Variants in SLC25A31 observed in about 807,000 individuals in gnomAD.
SLC25A31 encodes solute carrier family 25 member 31.
Under a neutral mutation model 36.2 loss-of-function variants are expected in SLC25A31, and 40 were observed. That is an observed-to-expected ratio of 1.10 (90% CI 0.86 to 1.44). The LOEUF is 1.44. Among genes scored for constraint, SLC25A31 ranks in the 40% most tolerant of loss-of-function variants. The pLI is 0.00. For synonymous variants in SLC25A31, 143 were observed against 149.7 expected, an observed-to-expected ratio of 0.96 and a Z score of 0.32; for missense variants, 350 against 397.1, an observed-to-expected ratio of 0.88 and a Z score of 1.01.
chr4:127,740,702 TG>T (rs1731715651), intron 1 of SLC25A31, among the ~76,000 whole-genome samples: 1 of 152,036 alleles, frequency 6.6e-6, no homozygotes, highest in Non-Finnish European at 1.5e-5. Context: ...CCTGCCTGAG[TG>T]TGAAGCTGAG....
Position 127,770,972 on chromosome 4 carries a change from T to C in SLC25A31, c.759+2095T>C, listed in dbSNP as rs1271835424. On this transcript the variant is annotated intron_variant, in intron 5 of 5. Transcript: ENST00000281154. ...TTCTTTTTTTTTTTTTTTTTTTTTT[T>C]TGGAGATGGAGTCTCACTGTGTCGC... Among the ~76,000 whole-genome samples the C allele has an allele frequency of 3.4e-5, 5 of 147,286 alleles. No individual in the cohort carries two copies. In the East Asian group the frequency reaches 9.8e-4, roughly 29 times the overall value.
At position 127,773,656 on chromosome 4, in the gene SLC25A31, T is replaced by TA; in HGVS notation, c.*83dup. ...TAGCTGCCATTTGCATACATTTTGA[T>TA]AGTGTTATTGTCTGTATTTTGTTAA... On this transcript the variant is annotated 3_prime_UTR_variant, in exon 6 of 6. Coordinates refer to ENST00000281154, the MANE Select transcript of SLC25A31 (RefSeq NM_031291.4). 1.7e-6 allele frequency: 2 copies of TA among 1,157,752 alleles called. No homozygotes were observed. The highest frequency in any genetic ancestry group is 2.4e-6 in the Non-Finnish European group (2 of 840,252). The allele number at this position is 1,157,752 out of a possible 1,614,324, so 71.7% of individuals were successfully genotyped here.
At chr4:127,771,467 T>C (rs1732360230) in intron 5 of SLC25A31, among the ~76,000 whole-genome samples, 3 of 152,248 alleles carry the variant, frequency 2.0e-5, no homozygotes, top group African/African-American at 7.2e-5. Context: ...CCCACAACTT[T>C]GTTAACCCTA....
At chr4:127,755,110 G>T (rs1232860349) in intron 2 of SLC25A31, among the ~76,000 whole-genome samples, 1 of 152,066 alleles carries the variant, frequency 6.6e-6, no homozygotes, top group East Asian at 1.9e-4. Context: ...AATGAAATTG[G>T]ACTCTTATCT....
intron 2 of SLC25A31, among the ~76,000 whole-genome samples, chr4:127,755,448 A>G (rs1732011632): frequency 6.6e-6 from 1 of 152,206 alleles, no homozygotes; most frequent in Admixed American, 6.5e-5. Context: ...TCATAATATA[A>G]AAACAAATGA....
At chr4:127,745,650 GT>G (rs1030938580) in intron 2 of SLC25A31, among the ~76,000 whole-genome samples, 2 of 151,994 alleles carry the variant, frequency 1.3e-5, no homozygotes, top group Non-Finnish European at 1.5e-5. Context: ...TTTTTTCACA[GT>G]TTTATTAACA....
chr4:127,763,770 A>G (rs1447791625), intron 2 of SLC25A31, among the ~76,000 whole-genome samples: 1 of 152,168 alleles, frequency 6.6e-6, no homozygotes, highest in Non-Finnish European at 1.5e-5. Flanking sequence ...GAAGTATTTT[A>G]GGTTGGTGCA....
At chr4:127,735,990 C>T (rs376296758) in intron 1 of SLC25A31, among the ~76,000 whole-genome samples, 4 of 149,332 alleles carry the variant, frequency 2.7e-5, no homozygotes, top group Admixed American at 2.0e-4. Context: ...CCCGGGTTCA[C>T]GCCATTCTCC....
intron 4 of SLC25A31, among the ~76,000 whole-genome samples, chr4:127,768,063 C>CA (rs545067349): frequency 5.4e-4 from 81 of 149,126 alleles, no homozygotes; most frequent in Non-Finnish European, 8.6e-4. Context: ...TAAAGGCAAG[C>CA]AAAAAAAAAT....
intron 2 of SLC25A31, among the ~76,000 whole-genome samples, chr4:127,755,989 C>T (rs968935071): frequency 5.3e-5 from 8 of 151,498 alleles, no homozygotes; most frequent in African/African-American, 1.2e-4. Flanking sequence ...GCCGAGATCG[C>T]GCCATTGCGC....
intron 1 of SLC25A31, among the ~76,000 whole-genome samples, chr4:127,735,778 T>A: frequency 7.2e-6 from 1 of 138,052 alleles, no homozygotes. Context: ...TTGATAGGCA[T>A]ATCATCAAAA....
intron 2 of SLC25A31, among the ~76,000 whole-genome samples, chr4:127,749,594 A>G (rs1306701459): frequency 1.3e-5 from 2 of 151,900 alleles, no homozygotes; most frequent in African/African-American, 4.8e-5. Flanking sequence ...AAATACAAAA[A>G]TTAGCTGGGT....
intron 3 of SLC25A31, among the ~76,000 whole-genome samples, 182 bp from the exon 4 acceptor site, chr4:127,766,884 T>C (rs1732254425): frequency 6.6e-6 from 1 of 152,236 alleles, no homozygotes; most frequent in Admixed American, 6.5e-5. Flanking sequence ...ATTTATTTCT[T>C]TTGAGATAGT....
At chr4:127,752,604 A>T (rs1731956637) in intron 2 of SLC25A31, among the ~76,000 whole-genome samples, 1 of 152,190 alleles carries the variant, frequency 6.6e-6, no homozygotes, top group Non-Finnish European at 1.5e-5. Context: ...ATGGAAATTT[A>T]AAAAGAGCAG....
chr4:127,734,846 A>T (rs1363139586), intron 1 of SLC25A31, among the ~76,000 whole-genome samples: 1 of 152,250 alleles, frequency 6.6e-6, no homozygotes, highest in Admixed American at 6.5e-5. Context: ...ATAAATTGGC[A>T]TTGTCCCCTA....
intron 1 of SLC25A31, among the ~76,000 whole-genome samples, chr4:127,742,325 C>T (rs978151065): frequency 3.3e-5 from 5 of 152,136 alleles, no homozygotes; most frequent in African/African-American, 4.8e-5. Context: ...CAGATAGTAT[C>T]GAGGAACTGA....
intron 2 of SLC25A31, among the ~76,000 whole-genome samples, chr4:127,761,561 G>A (rs1732130081): frequency 1.3e-5 from 2 of 152,102 alleles, no homozygotes; most frequent in African/African-American, 4.8e-5. Context: ...CTTTTAGTGT[G>A]TGTGTTTGCT....
chr4:127,762,886 T>C (rs1440068038), intron 2 of SLC25A31, among the ~76,000 whole-genome samples: 1 of 150,102 alleles, frequency 6.7e-6, no homozygotes, highest in East Asian at 2.0e-4. Context: ...ATCTCGCCAC[T>C]GCACTCCAGC....
rs142918275 is a variant in SLC25A31 at position 127,769,534 on chromosome 4, T to G, written c.759+657T>G. ...CAAAATCTGAAAAAATTGAAAACACTTCTAATTCCAAGCATTTCAGATAAG... is the reference window on the plus strand; with the variant it reads ...CAAAATCTGAAAAAATTGAAAACACGTCTAATTCCAAGCATTTCAGATAAG... On this transcript the variant is annotated intron_variant, in intron 5 of 5. Coordinates refer to ENST00000281154, the MANE Select transcript of SLC25A31 (RefSeq NM_031291.4). Among the ~76,000 whole-genome samples the G allele has an allele frequency of 2.3e-3, 344 of 152,316 alleles. 3 individuals are homozygous for G. Among genetic ancestry groups the G allele is most frequent in the African/African-American group, 8.0e-3 (333 of 41,576 alleles).
Sources: gnomAD v4.1 joint callset for allele counts (sites outside exome capture counted in the v4.1 genomes callset) on GRCh38, gnomAD v4.1.1 for gene constraint, MANE v1.5 for transcripts, NCBI Gene and HGNC (gene_info 2026-07-23, HGNC 2026-07-21) for gene names.